TEX29: variants seen among roughly 807,000 people sequenced by gnomAD.
TEX29 encodes testis-expressed protein 29.
In TEX29, 26 loss-of-function variants were observed where a neutral mutation model predicts 18.2. The ratio of observed to expected loss-of-function variants is 1.43; its 90% CI spans 1.04 to 1.98. TEX29 has a LOEUF of 1.98. TEX29 is among the 30% of genes most tolerant of loss of function. The pLI is 0.00. For missense variants in TEX29, 177 were observed against 194.2 expected, an observed-to-expected ratio of 0.91 and a Z score of 0.53; for synonymous variants, 83 against 78.5, an observed-to-expected ratio of 1.06 and a Z score of -0.31.
chr13:111,328,412 T>C, intron 3 of TEX29, 119 bp downstream of exon 3: 1 of 700,160 alleles, frequency 1.4e-6, no homozygotes, highest in South Asian at 1.6e-5. Context: ...ACCTTTGTAT[T>C]GTTCTCTGGC....
intron 2 of TEX29, among the ~76,000 whole-genome samples, chr13:111,325,219 C>T (rs943373100): frequency 2.0e-5 from 3 of 152,212 alleles, no homozygotes; most frequent in Non-Finnish European, 4.4e-5. Context: ...AGCGCCTCCC[C>T]GTTCCCCTAG....
At chr13:111,331,225 G>A (rs1037902738) in intron 3 of TEX29, among the ~76,000 whole-genome samples, 6 of 151,104 alleles carry the variant, frequency 4.0e-5, no homozygotes, top group African/African-American at 9.7e-5. Context: ...TGGTCCTTTT[G>A]TTTACAGCCA....
At chr13:111,339,490 G>A (rs796159351) in intron 3 of TEX29, 8 of 402,242 alleles carry the variant, frequency 2.0e-5, no homozygotes, top group East Asian at 1.3e-4. Flanking sequence ...AGGAGCCAGC[G>A]CCGTCTCTCA....
chr13:111,343,199 C>T (rs995945389), intron 5 of TEX29, among the ~76,000 whole-genome samples: 9 of 152,176 alleles, frequency 5.9e-5, no homozygotes, highest in Non-Finnish European at 7.3e-5. Flanking sequence ...CACCCTCTGG[C>T]GGGGCCCTCA....
chr13:111,339,916 A>T lies in TEX29; in HGVS notation c.223A>T (p.Ile75Phe), dbSNP rs752239630. Reference sequence around the variant, plus strand: ...TGTGATCATCGCTGGGGCCTTCGTCATCACCATCATCTACAGGTCGGTCCC... The same window carrying T: ...TGTGATCATCGCTGGGGCCTTCGTCTTCACCATCATCTACAGGTCGGTCCC... ...LIVIIAGAFV[I>F]TIIYRVIQES... Residue 75 changes from isoleucine to phenylalanine, a missense_variant, in exon 4 of 6, where the codon ATC (isoleucine) becomes TTC (phenylalanine). Transcript: ENST00000283547. The T allele has an allele frequency of 6.2e-7, 1 of 1,607,986 alleles. No homozygotes were observed. Among genetic ancestry groups the T allele is most frequent in the Non-Finnish European group, 8.5e-7 (1 of 1,176,992 alleles).
At chr13:111,343,262 AC>A (rs1270106037) in intron 5 of TEX29, among the ~76,000 whole-genome samples, 1 of 152,086 alleles carries the variant, frequency 6.6e-6, no homozygotes, top group East Asian at 1.9e-4. Context: ...CAGAAACTGC[AC>A]ATTTGATCAG....
At chr13:111,327,791 C>T (rs1191682711) in intron 2 of TEX29, among the ~76,000 whole-genome samples, 2 of 152,202 alleles carry the variant, frequency 1.3e-5, no homozygotes, top group Non-Finnish European at 2.9e-5. Context: ...ATCCTCAGGC[C>T]ATGCTGCTAA....
chr13:111,316,644 C>T (rs550493906), upstream of TEX29, among the ~76,000 whole-genome samples: 24 of 152,378 alleles, frequency 1.6e-4, no homozygotes, highest in Non-Finnish European at 3.1e-4. Context: ...AGTGCTGCCG[C>T]ACACACAGAA....
upstream of TEX29, among the ~76,000 whole-genome samples, chr13:111,317,649 G>A (rs554176155): frequency 2.0e-5 from 3 of 152,300 alleles, no homozygotes; most frequent in Admixed American, 6.5e-5. Context: ...TGCTTCCTGC[G>A]GCTGCTTTCA....
In TEX29 at chr13:111,328,261, A is replaced by G; in HGVS notation, c.137A>G (p.Tyr46Cys). ...TGCCAGGAGCTCGGGTGCTGCTTCT[A>G]CGAAGGCGTCTGCTACAAGAAAGCG... Reference protein sequence around the residue: ...DRCQELGCCFYEGVCYKKAVP... With the variant: ...DRCQELGCCFCEGVCYKKAVP... Residue 46 changes from tyrosine (Y) to cysteine (C), a missense_variant, in exon 3 of 6, where the codon TAC becomes TGC. Tyr to Cys is a radical substitution (Grantham distance 194). Transcript: ENST00000283547. 2 of 1,613,918 alleles carry G rather than the reference A, an allele frequency of 1.2e-6. No individual in the cohort carries two copies. The highest frequency in any genetic ancestry group is 8.5e-7 in the Non-Finnish European group (1 of 1,180,006).
chr13:111,328,269 G>A lies in TEX29; in HGVS notation c.145G>A (p.Val49Ile), dbSNP rs1313859302. The A allele has an allele frequency of 2.6e-5, 42 of 1,613,782 alleles. No homozygotes were observed. Among genetic ancestry groups the A allele is most frequent in the Non-Finnish European group, 3.2e-5 (38 of 1,179,972 alleles). ...GCTCGGGTGCTGCTTCTACGAAGGC[G>A]TCTGCTACAAGAAAGCGGTTCCCAG... ...QELGCCFYEG[V>I]CYKKAVPIYI... The change falls in exon 3 of 6, where the codon GTC (valine) becomes ATC (isoleucine). Residue 49 changes from valine to isoleucine, a missense_variant. Transcript: ENST00000283547.
At chr13:111,329,505 G>A (rs1536052) in intron 3 of TEX29, among the ~76,000 whole-genome samples, 8,947 of 151,216 alleles carry the variant, frequency 0.059, 389 homozygotes, top group Middle Eastern at 0.14. Context: ...ATCTAGTAGG[G>A]CTTAGAAAGT....
Position 111,339,838 on chromosome 13 carries a change from G to C in TEX29, c.170-25G>C, listed in dbSNP as rs539681102. The C allele has an allele frequency of 1.3e-5, 21 of 1,611,660 alleles. No homozygotes were observed. In the Admixed American group the frequency reaches 1.8e-4, roughly 14 times the overall value. The stretch of plus-strand genomic sequence containing the variant: ...CTTTTCTATTTACCTGGATCGAAAT[G>C]ACTTCAAATCCCACCATTTTTCAGT... On this transcript the variant is annotated intron_variant, in intron 3 of 5. Transcript: ENST00000283547.
intron 2 of TEX29, among the ~76,000 whole-genome samples, chr13:111,322,775 C>T (rs374002256): frequency 1.8e-4 from 28 of 152,212 alleles, no homozygotes; most frequent in African/African-American, 3.9e-4. Flanking sequence ...CACACTGTGG[C>T]GTGGCTGTTT....
chr13:111,343,162 C>A (rs1006111504), intron 5 of TEX29, among the ~76,000 whole-genome samples: 1 of 152,210 alleles, frequency 6.6e-6, no homozygotes, highest in Non-Finnish European at 1.5e-5. Flanking sequence ...CTCCCCCTTC[C>A]CATCCCCTTT....
intron 2 of TEX29, among the ~76,000 whole-genome samples, 151 bp from the exon 3 acceptor site, chr13:111,328,018 GATCTTAGTTTCAAA>G (rs2093676829): frequency 6.6e-6 from 1 of 152,188 alleles, no homozygotes; most frequent in African/African-American, 2.4e-5. Context: ...ATTCATTCTG[GATCTTAGTTTCAAA>G]TAAAGATTTG....
intron 3 of TEX29, among the ~76,000 whole-genome samples, chr13:111,331,936 A>G (rs1046887747): frequency 3.9e-5 from 6 of 152,150 alleles, no homozygotes; most frequent in African/African-American, 1.4e-4. Context: ...CCGGTGCCAC[A>G]GTTTTGATTA....
upstream of TEX29, among the ~76,000 whole-genome samples, chr13:111,318,102 C>G (rs997004776): frequency 2.6e-5 from 4 of 152,140 alleles, no homozygotes; most frequent in Non-Finnish European, 5.9e-5. Context: ...GGACTCACAC[C>G]CCTGTCTAGG....
At chr13:111,319,880 C>CA (rs1365711918), upstream of TEX29, among the ~76,000 whole-genome samples, 1 of 152,242 alleles carries the variant, frequency 6.6e-6, no homozygotes, top group African/African-American at 2.4e-5. Context: ...CCTTCCTGCT[C>CA]ACAAACCTCC....
Sources: allele counts gnomAD v4.1 joint callset (sites outside exome capture counted in the v4.1 genomes callset), GRCh38; gene constraint gnomAD v4.1.1; transcripts MANE v1.5; gene names NCBI Gene and HGNC (gene_info 2026-07-23, HGNC 2026-07-21).